The following STK17A variants were observed in gnomAD, a reference collection of about 807,000 sequenced individuals.
The protein encoded by STK17A is serine/threonine-protein kinase 17A.
In STK17A, 26 loss-of-function variants were observed where a neutral mutation model predicts 43.7. The ratio of observed to expected loss-of-function variants is 0.60; its 90% CI spans 0.44 to 0.83. The LOEUF (loss-of-function observed/expected upper bound fraction) is 0.83. Among genes scored for constraint, STK17A ranks in the 40% least tolerant of loss-of-function variants. STK17A has a pLI of 0.00. For missense variants in STK17A, 476 were observed against 511.6 expected, an observed-to-expected ratio of 0.93 and a Z score of 0.67; for synonymous variants, 191 against 182.5, an observed-to-expected ratio of 1.05 and a Z score of -0.38.
Position 43,608,299 on chromosome 7 carries a change from GAAGAAGCCTTTA to G in STK17A, c.469_480del (p.Ala157_Glu160del). The G allele has an allele frequency of 1.2e-6, 2 of 1,614,064 alleles. No individual in the cohort carries two copies. The highest frequency in any genetic ancestry group is 1.7e-6 in the Non-Finnish European group (2 of 1,179,988). ...CTTTGACCAGTGTGTTGCAGACAGA[GAAGAAGCCTTTA>G]AAGAAAAAGATGTTCAAAGACTTAT... On this transcript the variant is annotated inframe_deletion, in exon 3 of 7. Coordinates refer to ENST00000319357, the MANE Select transcript of STK17A (RefSeq NM_004760.3).
intron 2 of STK17A, 127 bp downstream of exon 2, chr7:43,596,240 T>C (rs1177439537): frequency 3.9e-5 from 31 of 786,994 alleles, no homozygotes; most frequent in Non-Finnish European, 5.8e-5. Context: ...TAGATCATCT[T>C]CAGGTGTTCC....
chr7:43,596,213 G>A (rs919734164), intron 2 of STK17A, 100 bp downstream of exon 2: 1 of 1,087,058 alleles, frequency 9.2e-7, no homozygotes, highest in Non-Finnish European at 1.3e-6. Context: ...TGGTTCTCTG[G>A]AAATCTCAGA....
intron 1 of STK17A, among the ~76,000 whole-genome samples, chr7:43,593,711 A>G (rs1175158202): frequency 6.6e-6 from 1 of 150,862 alleles, no homozygotes; most frequent in Admixed American, 6.6e-5. Flanking sequence ...AAAAAAAACA[A>G]TGAGGTTGTT....
intron 1 of STK17A, among the ~76,000 whole-genome samples, chr7:43,590,211 G>A (rs570175298): frequency 3.3e-5 from 5 of 151,410 alleles, no homozygotes; most frequent in African/African-American, 1.2e-4. Context: ...CTCCGAAAGT[G>A]CTGGTATTAC....
intron 4 of STK17A, 91 bp from the exon 5 acceptor site, chr7:43,623,481 A>T (rs992045458): frequency 9.4e-7 from 1 of 1,062,320 alleles, no homozygotes; most frequent in African/African-American, 1.6e-5. Flanking sequence ...ATAGTGCCTT[A>T]TAGTTTCTAA....
rs1342298839 is a variant in STK17A, at chr7:43,625,277, AT to A, written c.*438del. On this transcript the variant is annotated 3_prime_UTR_variant, in exon 7 of 7. Coordinates refer to ENST00000319357, the MANE Select transcript of STK17A (RefSeq NM_004760.3). Reference sequence around the variant, plus strand: ...TAAAATTGCTACTTTTTCACTTTGGATTTGTTTTTGGCAAAATTTTAGTCTA... The same window carrying A: ...TAAAATTGCTACTTTTTCACTTTGGATTGTTTTTGGCAAAATTTTAGTCTA... 6.5e-6 allele frequency: 1 copy of A among 152,986 alleles called. No homozygotes were observed. Among genetic ancestry groups the A allele is most frequent in the Non-Finnish European group, 1.5e-5 (1 of 68,706 alleles). 9.5% of individuals were successfully genotyped at this position (152,986 alleles called of 1,614,324 possible).
chr7:43,587,147 G>GTTTTTTTTTTTTTTT (rs202031785), intron 1 of STK17A, among the ~76,000 whole-genome samples: 5 of 113,440 alleles, frequency 4.4e-5, no homozygotes, highest in Admixed American at 9.9e-5. Context: ...TGTTTTTATT[G>GTTTTTTTTTTTTTTT]TTTTTTGTTT....
chr7:43,597,207 A>G (rs1422131797), intron 2 of STK17A, among the ~76,000 whole-genome samples: 1 of 152,198 alleles, frequency 6.6e-6, no homozygotes, highest in Non-Finnish European at 1.5e-5. Context: ...ATCCCAAAAG[A>G]TGCAATCTTA....
intron 2 of STK17A, among the ~76,000 whole-genome samples, chr7:43,607,297 T>G (rs187907424): frequency 4.6e-5 from 7 of 152,190 alleles, no homozygotes; most frequent in Non-Finnish European, 1.0e-4. Context: ...AGCAGTATAT[T>G]TTGTGCTTAT....
chr7:43,608,136 C>A, intron 2 of STK17A, 120 bp from the exon 3 acceptor site: 1 of 1,012,330 alleles, frequency 9.9e-7, no homozygotes. Context: ...AATAAAAATA[C>A]ATTTTTTAAA....
rs200395183 is a variant in STK17A at position 43,595,994 on chromosome 7, T to C, written c.300T>C (p.Asp100=). The stretch of plus-strand genomic sequence containing the variant: ...TGAGAAAAAGAAGAAAAGGCCAAGA[T>C]TGTCGGATGGAAATAATTCATGAGA... ...KFMRKRRKGQ[D]CRMEIIHEIA... is the part of the protein sequence containing the mutation. Residue 100 remains aspartate (D), a synonymous_variant, in exon 2 of 7, where the codon GAT becomes GAC. Coordinates refer to ENST00000319357, the MANE Select transcript of STK17A (RefSeq NM_004760.3). The C allele has an allele frequency of 2.6e-5, 42 of 1,613,946 alleles. No homozygotes were observed. The East Asian group carries it at 8.3e-4, about 32-fold the overall frequency.
intron 4 of STK17A, among the ~76,000 whole-genome samples, chr7:43,620,870 G>C (rs10247197): frequency 6.6e-6 from 1 of 152,046 alleles, no homozygotes; most frequent in African/African-American, 2.4e-5. Flanking sequence ...GAGAAGAGGA[G>C]GGCGGCCGTG....
Position 43,624,627 on chromosome 7 carries a change from C to CAA in STK17A, c.1031_1032dup (p.Glu345LysfsTer23). 1 of 1,614,072 alleles carries CAA rather than the reference C, an allele frequency of 6.2e-7. No homozygotes were observed. The highest frequency in any genetic ancestry group is 8.5e-7 in the Non-Finnish European group (1 of 1,180,000). On this transcript the variant is annotated frameshift_variant, in exon 7 of 7. Coordinates refer to ENST00000319357, the MANE Select transcript of STK17A (RefSeq NM_004760.3). LOFTEE classifies it high-confidence loss of function. ...GGCACTAGAAGAAGCAAATGCCCTC[C>CAA]AAGAAGGTCATTCTGTGCCTGAAAT...
At chr7:43,613,294 A>G (rs1204758988) in intron 3 of STK17A, among the ~76,000 whole-genome samples, 1 of 152,192 alleles carries the variant, frequency 6.6e-6, no homozygotes, top group Non-Finnish European at 1.5e-5. Context: ...CAAGTATTTC[A>G]TTGAATCCAC....
intron 1 of STK17A, among the ~76,000 whole-genome samples, chr7:43,592,617 AGGTG>A (rs1418866638): frequency 1.3e-5 from 2 of 149,490 alleles, no homozygotes; most frequent in Non-Finnish European, 3.0e-5. Flanking sequence ...TGGGAGGCCG[AGGTG>A]GGTGGATCAC....
intron 3 of STK17A, among the ~76,000 whole-genome samples, chr7:43,617,064 T>C (rs79750299): frequency 1.3e-5 from 2 of 152,186 alleles, no homozygotes; most frequent in African/African-American, 4.8e-5. Context: ...GAATACCATA[T>C]ACAAATTCAC....
At chr7:43,588,212 C>T (rs2082456103) in intron 1 of STK17A, among the ~76,000 whole-genome samples, 1 of 151,294 alleles carries the variant, frequency 6.6e-6, no homozygotes, top group Non-Finnish European at 1.5e-5. Flanking sequence ...ATGCCAAAAA[C>T]AATAAAAATA....
chr7:43,611,776 CTGTT>C (rs2082902446), intron 3 of STK17A, among the ~76,000 whole-genome samples: 1 of 152,118 alleles, frequency 6.6e-6, no homozygotes, highest in Non-Finnish European at 1.5e-5. Context: ...AATCGTGTAT[CTGTT>C]TTATTTTTTA....
At chr7:43,595,862 T>A in intron 1 of STK17A, 39 bp from the exon 2 acceptor site, 1 of 1,586,590 alleles carries the variant, frequency 6.3e-7, no homozygotes, top group Non-Finnish European at 8.6e-7. Context: ...CTCTGGAAAG[T>A]TGTCAACTTT....
Sources: gnomAD v4.1 joint callset for allele counts (sites outside exome capture counted in the v4.1 genomes callset) on GRCh38, gnomAD v4.1.1 for gene constraint, MANE v1.5 for transcripts, NCBI Gene and HGNC (gene_info 2026-07-23, HGNC 2026-07-21) for gene names.